TMTC2: variants seen among roughly 807,000 people sequenced by gnomAD.
TMTC2 encodes the protein protein O-mannosyl-transferase TMTC2.
Under a neutral mutation model 82.4 loss-of-function variants are expected in TMTC2, and 43 were observed. The ratio of observed to expected loss-of-function variants is 0.52; its 90% CI spans 0.41 to 0.67. TMTC2 has a LOEUF of 0.67. Among genes scored for constraint, TMTC2 ranks in the 30% least tolerant of loss-of-function variants. The pLI is 0.00. For synonymous variants in TMTC2, 408 were observed against 381.9 expected (o/e 1.07, Z -0.80); for missense variants, 919 against 1,012.4 (o/e 0.91, Z 1.25).
intron 8 of TMTC2, among the ~76,000 whole-genome samples, chr12:83,026,967 T>G (rs1335790314): frequency 6.6e-6 from 1 of 152,102 alleles, no homozygotes; most frequent in Non-Finnish European, 1.5e-5. Context: ...TTCTCTTACA[T>G]TTATATGTTT....
chr12:82,690,276 T>C, intron 1 of TMTC2: 1 of 589,062 alleles, frequency 1.7e-6, no homozygotes, highest in Non-Finnish European at 2.1e-6. Flanking sequence ...AAAACATTGC[T>C]TAAACTAGAC....
chr12:83,061,884 T>C, intron 11 of TMTC2, 53 bp downstream of exon 11: 1 of 1,384,202 alleles, frequency 7.2e-7, no homozygotes, highest in Non-Finnish European at 9.9e-7. Context: ...TCCAAGCATA[T>C]GATAGGTGTA....
intron 2 of TMTC2, among the ~76,000 whole-genome samples, chr12:82,887,787 A>G (rs1873177004): frequency 6.6e-6 from 1 of 152,206 alleles, no homozygotes; most frequent in Non-Finnish European, 1.5e-5. Flanking sequence ...CATCTTAAAA[A>G]TTAGACTTTC....
intron 1 of TMTC2, among the ~76,000 whole-genome samples, chr12:82,855,399 C>G (rs1477640541): frequency 6.6e-6 from 1 of 152,192 alleles, no homozygotes; most frequent in Non-Finnish European, 1.5e-5. Flanking sequence ...TCTGATCACA[C>G]CTGCCTCACA....
chr12:82,769,066 T>C (rs7133916), intron 1 of TMTC2, among the ~76,000 whole-genome samples: 24,621 of 150,506 alleles, frequency 0.16, 2,523 homozygotes, highest in African/African-American at 0.28. Flanking sequence ...GGCTAAGCCA[T>C]ATGCCTAGCT....
At chr12:83,100,182 A>T (rs1235425422) in intron 11 of TMTC2, among the ~76,000 whole-genome samples, 1 of 152,012 alleles carries the variant, frequency 6.6e-6, no homozygotes, top group East Asian at 1.9e-4. Context: ...TGCTTCCCTA[A>T]GTGCTGGGAT....
At chr12:82,967,948 G>A (rs1878289961) in intron 7 of TMTC2, among the ~76,000 whole-genome samples, 1 of 151,964 alleles carries the variant, frequency 6.6e-6, no homozygotes, top group African/African-American at 2.4e-5. Context: ...TTTAATAGTA[G>A]CTATATGTCT....
chr12:83,073,524 C>G (rs897671842), intron 11 of TMTC2, among the ~76,000 whole-genome samples: 3 of 152,106 alleles, frequency 2.0e-5, no homozygotes, highest in Non-Finnish European at 4.4e-5. Flanking sequence ...ATGTCTAGGT[C>G]TCTAGCAAGG....
intron 11 of TMTC2, among the ~76,000 whole-genome samples, chr12:83,089,114 C>G (rs1030068495): frequency 6.6e-6 from 1 of 152,156 alleles, no homozygotes; most frequent in Non-Finnish European, 1.5e-5. Flanking sequence ...CTGCAGAACA[C>G]TTTGGTTTGT....
intron 1 of TMTC2, among the ~76,000 whole-genome samples, chr12:82,712,052 C>T (rs1449974636): frequency 3.9e-5 from 6 of 152,146 alleles, no homozygotes; most frequent in Non-Finnish European, 8.8e-5. Flanking sequence ...TCCATTCTCT[C>T]CCCATTTCCT....
chr12:82,783,205 TTAG>T (rs1877992309), intron 1 of TMTC2, among the ~76,000 whole-genome samples: 1 of 151,936 alleles, frequency 6.6e-6, no homozygotes, highest in South Asian at 2.1e-4. Context: ...ATTCATAGTA[TTAG>T]AAGATAAACC....
At chr12:83,032,329 A>G (rs926640698) in intron 9 of TMTC2, among the ~76,000 whole-genome samples, 5 of 146,048 alleles carry the variant, frequency 3.4e-5, no homozygotes, top group African/African-American at 7.6e-5. Flanking sequence ...AAACAGTATC[A>G]TTGCTCCTTT....
chr12:82,715,786 T>C (rs1355493498), intron 1 of TMTC2, among the ~76,000 whole-genome samples: 1 of 152,176 alleles, frequency 6.6e-6, no homozygotes, highest in African/African-American at 2.4e-5. Flanking sequence ...CAGTTCAGCA[T>C]GTCAAAAAAC....
At chr12:82,955,567 C>T (rs541331552) in intron 4 of TMTC2, among the ~76,000 whole-genome samples, 5 of 152,134 alleles carry the variant, frequency 3.3e-5, no homozygotes, top group African/African-American at 1.2e-4. Flanking sequence ...ATTACTAGAA[C>T]ATGTGATGAT....
chr12:82,913,976 A>AAAAAAATATATGTGTG, intron 3 of TMTC2, among the ~76,000 whole-genome samples: 1 of 151,816 alleles, frequency 6.6e-6, no homozygotes, highest in South Asian at 2.1e-4. Flanking sequence ...GTTTGGTTGA[A>AAAAAAATATATGTGTG]AAAAAAAATC....
At chr12:82,734,548 C>A (rs910334129) in intron 1 of TMTC2, among the ~76,000 whole-genome samples, 3 of 152,136 alleles carry the variant, frequency 2.0e-5, no homozygotes, top group Admixed American at 1.3e-4. Flanking sequence ...CTAAGAAATT[C>A]TTTCCTTTTG....
rs1238187746 is a variant in TMTC2 at position 82,687,279 on chromosome 12, G to GA, written c.-305dup. The GA allele has an allele frequency of 3.9e-5, 18 of 458,732 alleles. No individual in the cohort carries two copies. The East Asian group carries it at 7.2e-4, about 18-fold the overall frequency. The allele number at this position is 458,732 out of a possible 1,614,324, so 28.4% of individuals were successfully genotyped here. On this transcript the variant is annotated 5_prime_UTR_variant, in exon 1 of 12. Coordinates refer to ENST00000321196, the MANE Select transcript of TMTC2 (RefSeq NM_152588.3). Reference sequence around the variant, plus strand: ...TTAGGGTGGGGATCGCGACCCGCGCGAAAGACCAGCCCTGCGCTTCCGCCG... The same window carrying GA: ...TTAGGGTGGGGATCGCGACCCGCGCGAAAAGACCAGCCCTGCGCTTCCGCCG...
intron 1 of TMTC2, among the ~76,000 whole-genome samples, chr12:82,787,657 C>A (rs991599010): frequency 3.3e-5 from 5 of 151,990 alleles, no homozygotes; most frequent in Non-Finnish European, 7.4e-5. Flanking sequence ...TCCTGTAATC[C>A]CGGCATTTTG....
chr12:82,967,039 C>G (rs779058623), intron 7 of TMTC2, 42 bp downstream of exon 7: 4 of 1,479,726 alleles, frequency 2.7e-6, no homozygotes, highest in Non-Finnish European at 3.7e-6. Flanking sequence ...ATTTCAGGGA[C>G]CTGTGGAGAA....
Sources: gnomAD v4.1 joint callset for allele counts (sites outside exome capture counted in the v4.1 genomes callset) on GRCh38, gnomAD v4.1.1 for gene constraint, MANE v1.5 for transcripts, NCBI Gene and HGNC (gene_info 2026-07-23, HGNC 2026-07-21) for gene names.